LRMDA: variants seen among roughly 807,000 people sequenced by gnomAD.
The protein encoded by LRMDA is leucine rich melanocyte differentiation associated.
LRMDA carries 18 observed loss-of-function variants against 29.8 expected under a neutral mutation model. The ratio of observed to expected loss-of-function variants is 0.60; its 90% CI spans 0.42 to 0.90. The LOEUF (loss-of-function observed/expected upper bound fraction) is 0.90. LRMDA is among the 40% of genes least tolerant of loss of function. The pLI is 0.00. For missense variants in LRMDA, 273 were observed against 273.9 expected (o/e 1.00, Z 0.02); for synonymous variants, 125 against 109.4 (o/e 1.14, Z -0.89).
intron 5 of LRMDA, among the ~76,000 whole-genome samples, chr10:76,156,980 G>A (rs1898100): frequency 0.013 from 1,950 of 152,268 alleles, 33 homozygotes; most frequent in African/African-American, 0.045. Context: ...AGTGTGTAAT[G>A]CATAGTTGCT....
intron 2 of LRMDA, among the ~76,000 whole-genome samples, chr10:75,503,143 C>T (rs1845133656): frequency 6.6e-6 from 1 of 151,816 alleles, no homozygotes. Flanking sequence ...TAGGGAATGT[C>T]CATTTTGGAC....
intron 2 of LRMDA, among the ~76,000 whole-genome samples, chr10:75,525,147 T>C (rs1190103825): frequency 6.6e-6 from 1 of 152,238 alleles, no homozygotes; most frequent in Admixed American, 6.5e-5. Flanking sequence ...AGACCATCTG[T>C]TGGCTATACA....
chr10:76,468,114 G>T (rs766190422), intron 6 of LRMDA, among the ~76,000 whole-genome samples: 1 of 148,064 alleles, frequency 6.8e-6, no homozygotes, highest in Non-Finnish European at 1.5e-5. Context: ...GTAGCAGCAG[G>T]ATTAAATCGC....
chr10:75,975,756 C>G (rs1847058975), intron 2 of LRMDA, among the ~76,000 whole-genome samples: 1 of 152,208 alleles, frequency 6.6e-6, no homozygotes, highest in South Asian at 2.1e-4. Flanking sequence ...GCTCAATATT[C>G]TACAGCATCT....
chr10:76,062,635 A>G (rs1848719210), intron 5 of LRMDA, among the ~76,000 whole-genome samples: 1 of 146,112 alleles, frequency 6.8e-6, no homozygotes, highest in African/African-American at 2.6e-5. Context: ...GCTACAATGG[A>G]TGCTTCCAGA....
chr10:76,403,208 C>T (rs1319675527), intron 6 of LRMDA: 2 of 151,744 alleles, frequency 1.3e-5, no homozygotes, highest in Non-Finnish European at 2.9e-5. Context: ...AAAAATTATA[C>T]TCCACTGTAT....
At chr10:76,054,301 G>T (rs915766131) in intron 4 of LRMDA, among the ~76,000 whole-genome samples, 1 of 152,112 alleles carries the variant, frequency 6.6e-6, no homozygotes, top group Non-Finnish European at 1.5e-5. Context: ...CGGGATGGGT[G>T]AAAATCATCC....
intron 2 of LRMDA, among the ~76,000 whole-genome samples, chr10:75,675,818 A>G (rs1397663460): frequency 6.6e-6 from 1 of 152,000 alleles, no homozygotes; most frequent in Admixed American, 6.6e-5. Flanking sequence ...TTCATTTTGT[A>G]TAAGCCTCCT....
chr10:76,391,424 A>G (rs912050052), intron 6 of LRMDA, among the ~76,000 whole-genome samples: 1 of 152,222 alleles, frequency 6.6e-6, no homozygotes, highest in African/African-American at 2.4e-5. Context: ...TGCCTGCAGG[A>G]TAAGTAAAGA....
At chr10:76,249,766 C>T (rs1221559293) in intron 5 of LRMDA, among the ~76,000 whole-genome samples, 1 of 152,028 alleles carries the variant, frequency 6.6e-6, no homozygotes, top group Non-Finnish European at 1.5e-5. Context: ...AATTTATTTG[C>T]CTAGTTAACT....
intron 2 of LRMDA, among the ~76,000 whole-genome samples, chr10:75,832,910 C>T (rs1186529537): frequency 6.6e-6 from 1 of 152,188 alleles, no homozygotes; most frequent in African/African-American, 2.4e-5. Context: ...CCCACTGGGC[C>T]CCTCCCACAA....
chr10:76,308,711 T>G (rs1039808122), intron 5 of LRMDA, among the ~76,000 whole-genome samples: 1 of 152,156 alleles, frequency 6.6e-6, no homozygotes, highest in East Asian at 1.9e-4. Flanking sequence ...TCACATTTTC[T>G]TCTCCTCAAA....
intron 2 of LRMDA, among the ~76,000 whole-genome samples, chr10:75,489,817 G>A (rs1351196389): frequency 6.6e-6 from 1 of 152,114 alleles, no homozygotes; most frequent in Non-Finnish European, 1.5e-5. Context: ...TAAATGCTAC[G>A]AGCTTATTTG....
chr10:76,303,584 A>C (rs2132365408), intron 5 of LRMDA, among the ~76,000 whole-genome samples: 1 of 152,198 alleles, frequency 6.6e-6, no homozygotes, highest in African/African-American at 2.4e-5. Context: ...ACTATCATTT[A>C]GTGGGTAGTA....
intron 2 of LRMDA, among the ~76,000 whole-genome samples, chr10:75,523,849 C>A (rs1845387347): frequency 2.0e-5 from 3 of 152,128 alleles, no homozygotes; most frequent in Admixed American, 2.0e-4. Context: ...CCATTCCCCT[C>A]AGTGTCTGAT....
Position 75,534,794 on chromosome 10 carries a change from G to A in LRMDA, c.131+96300G>A, listed in dbSNP as rs188831853. ...TGAAGAATTTTGAATCCCAAAATAA[G>A]ACTCCTAAGGAAATAGATATGATGT... is the stretch of plus-strand genomic sequence containing the variant. On this transcript the variant is annotated intron_variant, in intron 2 of 6. Transcript: ENST00000611255. 3.7e-3 allele frequency among the ~76,000 whole-genome samples: 558 copies of A among 152,232 alleles called. 6 individuals carry two copies. The highest frequency in any genetic ancestry group is 0.013 in the African/African-American group (536 of 41,540).
At chr10:76,326,043 C>T (rs1474779140) in intron 6 of LRMDA, among the ~76,000 whole-genome samples, 1 of 152,154 alleles carries the variant, frequency 6.6e-6, no homozygotes, top group Non-Finnish European at 1.5e-5. Context: ...AGAGCCAACA[C>T]AGACATCTCA....
At position 76,311,879 on chromosome 10, in the gene LRMDA, C is replaced by A. The variant is rs144600550; in HGVS notation, c.517-12522C>A. Among the ~76,000 whole-genome samples, 248 of 152,312 alleles carry A rather than the reference C, an allele frequency of 1.6e-3. 1 individual carries two copies. The highest frequency in any genetic ancestry group is 5.7e-3 in the African/African-American group (236 of 41,570). ...GATGACCAGGTCCCCAAACCTCACACAGAGCAGACTGTGGTATGTATGCAG... is the reference window on the plus strand; with the variant it reads ...GATGACCAGGTCCCCAAACCTCACAAAGAGCAGACTGTGGTATGTATGCAG... On this transcript the variant is annotated intron_variant, in intron 5 of 6. Transcript: ENST00000611255.
intron 5 of LRMDA, among the ~76,000 whole-genome samples, chr10:76,111,056 A>T (rs769289904): frequency 2.0e-5 from 3 of 151,922 alleles, no homozygotes; most frequent in Non-Finnish European, 4.4e-5. Context: ...TGCATGCCAC[A>T]TCTGAAATCC....
Sources: allele counts gnomAD v4.1 joint callset (sites outside exome capture counted in the v4.1 genomes callset), GRCh38; gene constraint gnomAD v4.1.1; transcripts MANE v1.5; gene names NCBI Gene and HGNC (gene_info 2026-07-23, HGNC 2026-07-21).